The following KIAA1549L variants were observed in gnomAD, a reference collection of about 807,000 sequenced individuals.
KIAA1549L encodes KIAA1549 like.
A neutral mutation model predicts 160.7 loss-of-function variants in KIAA1549L; 88 were observed. The observed-to-expected ratio is 0.55, with a 90% CI of 0.46 to 0.65. The LOEUF is 0.65. Ranked by LOEUF, KIAA1549L falls within the 30% of genes least tolerant of loss-of-function variation. KIAA1549L has a pLI of 0.00. For missense variants in KIAA1549L, 2,258 were observed against 2,437.5 expected (o/e 0.93, Z 1.55); for synonymous variants, 950 against 976.7 (o/e 0.97, Z 0.51).
intron 9 of KIAA1549L, among the ~76,000 whole-genome samples, chr11:33,570,786 A>G (rs1202261209): frequency 6.6e-6 from 1 of 152,224 alleles, no homozygotes; most frequent in Non-Finnish European, 1.5e-5. Flanking sequence ...AAATTTTTAA[A>G]TATTTGACTT....
intron 14 of KIAA1549L, 105 bp downstream of exon 14, chr11:33,606,927 C>T (rs1267642353): frequency 8.6e-6 from 8 of 926,792 alleles, no homozygotes; most frequent in Admixed American, 2.9e-5. Context: ...CACCTAGGGC[C>T]GTATAGGTCA....
At chr11:33,658,324 G>A (rs1046006460) in intron 18 of KIAA1549L, among the ~76,000 whole-genome samples, 5 of 152,120 alleles carry the variant, frequency 3.3e-5, no homozygotes, top group East Asian at 3.9e-4. Context: ...TTCTGGTGTC[G>A]GTGAGAAGGG....
chr11:33,486,567 C>T (rs1404104221), intron 1 of KIAA1549L, among the ~76,000 whole-genome samples: 2 of 152,086 alleles, frequency 1.3e-5, no homozygotes, highest in Non-Finnish European at 2.9e-5. Flanking sequence ...TTAATTAAGT[C>T]TTTGTAATAA....
intron 11 of KIAA1549L, among the ~76,000 whole-genome samples, chr11:33,586,495 C>T (rs1438815675): frequency 6.6e-6 from 1 of 152,114 alleles, no homozygotes; most frequent in Non-Finnish European, 1.5e-5. Flanking sequence ...AGTTCACTTC[C>T]CTTTACTCTG....
chr11:33,489,224 A>T (rs932647139), intron 1 of KIAA1549L, among the ~76,000 whole-genome samples: 6 of 152,318 alleles, frequency 3.9e-5, no homozygotes, highest in South Asian at 2.1e-4. Flanking sequence ...TCAGGGTGCC[A>T]GCAGGATTGG....
At position 33,463,235 on chromosome 11, in the gene KIAA1549L, C is replaced by T. The variant is rs374565164; in HGVS notation, c.239-78567C>T. On this transcript the variant is annotated intron_variant, in intron 1 of 20. Coordinates refer to ENST00000658780, the MANE Select transcript of KIAA1549L (RefSeq NM_012194.3). ...AGTACCATATACACGTCACTTAGCA[C>T]GTGAGTGTCCTTGCCTTCTTTTTTC... is the stretch of plus-strand genomic sequence containing the variant. Among the ~76,000 whole-genome samples the T allele has an allele frequency of 2.8e-4, 42 of 152,272 alleles. 1 individual carries two copies. In the East Asian group the frequency reaches 7.1e-3, roughly 26 times the overall value.
At chr11:33,581,066 T>C (rs1360399816) in intron 10 of KIAA1549L, among the ~76,000 whole-genome samples, 3 of 151,562 alleles carry the variant, frequency 2.0e-5, no homozygotes, top group Non-Finnish European at 4.4e-5. Flanking sequence ...GGGAGCAGAG[T>C]CGTAGCTGTG....
At chr11:33,615,631 G>T (rs1850788833) in intron 15 of KIAA1549L, among the ~76,000 whole-genome samples, 1 of 151,796 alleles carries the variant, frequency 6.6e-6, no homozygotes, top group African/African-American at 2.4e-5. Context: ...ATATTTTAAG[G>T]GGATGTTGCC....
intron 1 of KIAA1549L, among the ~76,000 whole-genome samples, chr11:33,517,333 C>G (rs1467730450): frequency 6.6e-6 from 1 of 152,176 alleles, no homozygotes; most frequent in Non-Finnish European, 1.5e-5. Context: ...TATGTAACGC[C>G]TCTGTAGCTG....
chr11:33,554,340 T>G (rs1854574524), intron 6 of KIAA1549L, among the ~76,000 whole-genome samples: 1 of 152,236 alleles, frequency 6.6e-6, no homozygotes, highest in South Asian at 2.1e-4. Flanking sequence ...GGGACTAGAT[T>G]ACAGTGGACT....
chr11:33,547,752 T>C lies in KIAA1549L; in HGVS notation c.3386-12T>C, dbSNP rs375826717. ...CCTTGCCTGATTGCCATGCTTCTAT[T>C]TTACCCCACAGTTCTCTTTCTCACC... is the stretch of plus-strand genomic sequence containing the variant. On this transcript the variant is annotated splice_polypyrimidine_tract_variant and intron_variant, in intron 3 of 20. Transcript: ENST00000658780. The C allele has an allele frequency of 1.3e-6, 2 of 1,571,558 alleles. No individual in the cohort carries two copies. Among genetic ancestry groups the C allele is most frequent in the Non-Finnish European group, 1.7e-6 (2 of 1,143,504 alleles).
Position 33,568,231 on chromosome 11 carries a change from G to GGTGT in KIAA1549L, c.4230+5_4230+8dup. ...CCTGGGAAGCTACACTGTGCAGGTA[G>GGTGT]GTGTATACAGAGCCACTGGGGTTTT... On this transcript the variant is annotated splice_donor_region_variant and intron_variant, in intron 9 of 20. Coordinates refer to ENST00000658780, the MANE Select transcript of KIAA1549L (RefSeq NM_012194.3). The GGTGT allele has an allele frequency of 6.2e-7, 1 of 1,608,834 alleles. No homozygotes were observed. The highest frequency in any genetic ancestry group is 8.5e-7 in the Non-Finnish European group (1 of 1,177,274).
At chr11:33,491,272 G>A (rs767034323) in intron 1 of KIAA1549L, among the ~76,000 whole-genome samples, 7 of 152,202 alleles carry the variant, frequency 4.6e-5, no homozygotes, top group African/African-American at 1.4e-4. Context: ...TGTGAAAACC[G>A]TGCTGGCTAT....
intron 1 of KIAA1549L, among the ~76,000 whole-genome samples, chr11:33,483,532 G>A (rs1852457428): frequency 6.6e-6 from 1 of 152,124 alleles, no homozygotes; most frequent in Non-Finnish European, 1.5e-5. Flanking sequence ...CAGGCACGAG[G>A]CAAGGCAGGC....
chr11:33,606,779 C>A lies in KIAA1549L; in HGVS notation c.5018C>A (p.Thr1673Asn), dbSNP rs1355807249. 6.2e-7 allele frequency: 1 copy of A among 1,613,174 alleles called. No homozygotes were observed. Among genetic ancestry groups the A allele is most frequent in the Non-Finnish European group, 8.5e-7 (1 of 1,179,586 alleles). The part of the protein sequence containing the change: ...KPTALPMVPP[T>N]SDRSQESSAV... ...ACAGCCCTCCCCATGGTGCCCCCCA[C>A]CTCGGACAGGAGCCAGGAGTCATCG... is the stretch of plus-strand genomic sequence containing the variant. Residue 1673 changes from threonine to asparagine, a missense_variant, in exon 14 of 21, where the codon ACC (threonine) becomes AAC (asparagine). Thr to Asn is a moderately conservative substitution (Grantham distance 65). Coordinates refer to ENST00000658780, the MANE Select transcript of KIAA1549L (RefSeq NM_012194.3).
chr11:33,564,086 T>C lies in KIAA1549L; in HGVS notation c.4078+2351T>C, dbSNP rs182005043. The stretch of plus-strand genomic sequence containing the variant: ...TGTTCAGAATAAACAGTGGCTTCCA[T>C]CACTGTGTTTAGGGCTAGCTGGATC... On this transcript the variant is annotated intron_variant, in intron 8 of 20. Coordinates refer to ENST00000658780, the MANE Select transcript of KIAA1549L (RefSeq NM_012194.3). Among the ~76,000 whole-genome samples the C allele has an allele frequency of 2.6e-5, 4 of 152,316 alleles. No homozygotes were observed. The East Asian group carries it at 7.7e-4, about 29-fold the overall frequency.
chr11:33,383,273 C>CT (rs35630887), intron 1 of KIAA1549L, among the ~76,000 whole-genome samples: 12,806 of 144,070 alleles, frequency 0.089, 592 homozygotes, highest in South Asian at 0.15. Flanking sequence ...TTCTTTCTTT[C>CT]TTTTTTTTTT....
chr11:33,396,117 TA>T (rs1850368437), intron 1 of KIAA1549L, among the ~76,000 whole-genome samples: 2 of 152,126 alleles, frequency 1.3e-5, no homozygotes, highest in African/African-American at 4.8e-5. Flanking sequence ...CCAGATAGCC[TA>T]AAGACCTCAC....
chr11:33,466,694 A>G (rs1590266504), intron 1 of KIAA1549L, among the ~76,000 whole-genome samples: 1 of 152,218 alleles, frequency 6.6e-6, no homozygotes, highest in Admixed American at 6.5e-5. Flanking sequence ...CACTGTTCAC[A>G]ATAGCAAAGA....
Sources: gnomAD v4.1 joint callset for allele counts (sites outside exome capture counted in the v4.1 genomes callset) on GRCh38, gnomAD v4.1.1 for gene constraint, MANE v1.5 for transcripts, NCBI Gene and HGNC (gene_info 2026-07-23, HGNC 2026-07-21) for gene names.